PTPRG: variants seen among roughly 807,000 people sequenced by gnomAD.
PTPRG encodes protein tyrosine phosphatase receptor type G.
A neutral mutation model predicts 165.3 loss-of-function variants in PTPRG; 102 were observed. That is an observed-to-expected ratio of 0.62 (90% confidence interval 0.53 to 0.73). The LOEUF is 0.73. Among genes scored for constraint, PTPRG ranks in the 30% least tolerant of loss-of-function variants. PTPRG has a pLI of 0.00. For synonymous variants in PTPRG, 675 were observed against 669.5 expected (o/e 1.01, Z -0.13); for missense variants, 1,866 against 1,861.4 (o/e 1.00, Z -0.05).
chr3:61,696,026 G>A (rs2030567067), intron 1 of PTPRG, among the ~76,000 whole-genome samples: 1 of 152,142 alleles, frequency 6.6e-6, no homozygotes, highest in African/African-American at 2.4e-5. Context: ...TCAACATGAG[G>A]TTGAGCTGAT....
intron 1 of PTPRG, among the ~76,000 whole-genome samples, chr3:61,587,067 A>C (rs1700451656): frequency 6.6e-6 from 1 of 152,168 alleles, no homozygotes; most frequent in Non-Finnish European, 1.5e-5. Context: ...TCACAGCAGA[A>C]ATTAAGGGCC....
At chr3:61,744,405 C>G (rs969859996) in intron 1 of PTPRG, among the ~76,000 whole-genome samples, 1 of 152,190 alleles carries the variant, frequency 6.6e-6, no homozygotes, top group Non-Finnish European at 1.5e-5. Context: ...CACTGCACAC[C>G]TAGACCATAT....
intron 1 of PTPRG, among the ~76,000 whole-genome samples, chr3:61,594,876 A>G (rs1700657349): frequency 6.6e-6 from 1 of 152,244 alleles, no homozygotes; most frequent in Non-Finnish European, 1.5e-5. Context: ...ACACGATGTT[A>G]CAATAAAATT....
intron 17 of PTPRG, among the ~76,000 whole-genome samples, chr3:62,266,662 A>ACTT (rs1701884628): frequency 6.6e-6 from 1 of 151,708 alleles, no homozygotes; most frequent in African/African-American, 2.4e-5. Flanking sequence ...CACTCATTGG[A>ACTT]CTTCTTTTTC....
chr3:61,963,192 A>G (rs1005282887), intron 2 of PTPRG, among the ~76,000 whole-genome samples: 1 of 152,216 alleles, frequency 6.6e-6, no homozygotes, highest in African/African-American at 2.4e-5. Flanking sequence ...TAACCAGCAT[A>G]AGACTTTAAG....
At chr3:61,594,878 A>T (rs1700657414) in intron 1 of PTPRG, among the ~76,000 whole-genome samples, 1 of 152,220 alleles carries the variant, frequency 6.6e-6, no homozygotes, top group African/African-American at 2.4e-5. Context: ...ACGATGTTAC[A>T]ATAAAATTGG....
intron 28 of PTPRG, among the ~76,000 whole-genome samples, chr3:62,287,719 GATCAGTA>G (rs1411497842): frequency 1.3e-5 from 2 of 152,106 alleles, no homozygotes; most frequent in African/African-American, 2.4e-5. Context: ...GGATACATTT[GATCAGTA>G]GCATTCAGAG....
At chr3:61,917,283 G>A (rs564180702) in intron 2 of PTPRG, among the ~76,000 whole-genome samples, 1 of 152,076 alleles carries the variant, frequency 6.6e-6, no homozygotes, top group Non-Finnish European at 1.5e-5. Context: ...TGAATAATTC[G>A]CAGCATTTAG....
intron 1 of PTPRG, among the ~76,000 whole-genome samples, chr3:61,744,807 A>T (rs1204928769): frequency 7.0e-6 from 1 of 142,350 alleles, no homozygotes; most frequent in Non-Finnish European, 1.6e-5. Context: ...TGCCTTCCTA[A>T]AGAATTGCTT....
chr3:61,641,603 T>G (rs1702063856), intron 1 of PTPRG, among the ~76,000 whole-genome samples: 2 of 152,204 alleles, frequency 1.3e-5, no homozygotes, highest in Admixed American at 1.3e-4. Context: ...GGCTTTTGTG[T>G]TTTGTCCCAC....
At chr3:61,611,506 T>C (rs1033762459) in intron 1 of PTPRG, among the ~76,000 whole-genome samples, 3 of 152,336 alleles carry the variant, frequency 2.0e-5, no homozygotes, top group Admixed American at 6.5e-5. Flanking sequence ...AGTAGACTTT[T>C]TGGAGAAGGG....
chr3:62,145,996 TTGAC>T (rs1228416164), intron 6 of PTPRG, among the ~76,000 whole-genome samples: 1 of 152,208 alleles, frequency 6.6e-6, no homozygotes, highest in Admixed American at 6.5e-5. Flanking sequence ...AATTAGGTCA[TTGAC>T]TGAGCATCAA....
At chr3:61,735,991 T>G (rs2032705677) in intron 1 of PTPRG, among the ~76,000 whole-genome samples, 1 of 150,624 alleles carries the variant, frequency 6.6e-6, no homozygotes, top group South Asian at 2.1e-4. Context: ...CACTGCAACC[T>G]CCGCCTCCTG....
chr3:62,250,387 A>G (rs1301537848), intron 15 of PTPRG, among the ~76,000 whole-genome samples: 1 of 152,284 alleles, frequency 6.6e-6, no homozygotes, highest in South Asian at 2.1e-4. Flanking sequence ...TTACATGCTA[A>G]TGGCCTTACC....
At chr3:61,612,406 AC>A (rs1283925266) in intron 1 of PTPRG, among the ~76,000 whole-genome samples, 2 of 152,046 alleles carry the variant, frequency 1.3e-5, no homozygotes, top group Non-Finnish European at 1.5e-5. Context: ...CTCTTGGATG[AC>A]CTTTGCCTAA....
intron 2 of PTPRG, among the ~76,000 whole-genome samples, chr3:61,978,071 CA>C (rs2040550134): frequency 6.6e-6 from 1 of 152,192 alleles, no homozygotes; most frequent in African/African-American, 2.4e-5. Context: ...AGGCTGTTCT[CA>C]AACTCCTGAC....
At chr3:61,837,565 G>C (rs1426966181) in intron 2 of PTPRG, among the ~76,000 whole-genome samples, 2 of 152,202 alleles carry the variant, frequency 1.3e-5, no homozygotes, top group East Asian at 1.9e-4. Flanking sequence ...GACAAGAGCG[G>C]ATCAGCAGCA....
chr3:61,915,005 C>T lies in PTPRG; in HGVS notation c.191-74620C>T, dbSNP rs149152700. ...CAGCACTTTGGGAGGCCAAGGCGGG[C>T]GGATCACCAGGTCAGGAGTTCCAGG... On this transcript the variant is annotated intron_variant, in intron 2 of 29. Coordinates refer to ENST00000474889, the MANE Select transcript of PTPRG (RefSeq NM_002841.4). Among the ~76,000 whole-genome samples, 1,071 of 152,296 alleles carry T rather than the reference C, an allele frequency of 7.0e-3. 12 individuals carry two copies. The highest frequency in any genetic ancestry group is 0.024 in the African/African-American group (991 of 41,552).
chr3:61,980,835 C>T (rs920546104), intron 2 of PTPRG, among the ~76,000 whole-genome samples: 7 of 152,174 alleles, frequency 4.6e-5, no homozygotes, highest in Non-Finnish European at 1.0e-4. Context: ...TCAGCTGCTT[C>T]CCTCCTGATT....
Sources: gnomAD v4.1 joint callset for allele counts (sites outside exome capture counted in the v4.1 genomes callset) on GRCh38, gnomAD v4.1.1 for gene constraint, MANE v1.5 for transcripts, NCBI Gene and HGNC (gene_info 2026-07-23, HGNC 2026-07-21) for gene names.